BRIP1: variants seen among roughly 807,000 people sequenced by gnomAD.
The protein encoded by BRIP1 is Fanconi anemia group J protein.
Under a neutral mutation model 119.7 loss-of-function variants are expected in BRIP1, and 88 were observed. The observed-to-expected ratio is 0.74, with a 90% CI of 0.62 to 0.88. BRIP1 has a LOEUF of 0.88. Among genes scored for constraint, BRIP1 ranks in the 40% least tolerant of loss-of-function variants. BRIP1 has a pLI of 0.00. For missense variants in BRIP1, 1,259 were observed against 1,455.4 expected (o/e 0.87, Z 2.20); for synonymous variants, 443 against 496.5 (o/e 0.89, Z 1.43).
rs190887996 is a variant in BRIP1, at chr17:61,699,340, C to G, written c.2493-5828G>C. Among the ~76,000 whole-genome samples the G allele has an allele frequency of 3.0e-4, 46 of 152,110 alleles. No individual in the cohort carries two copies. Among genetic ancestry groups the G allele is most frequent in the Non-Finnish European group, 6.2e-4 (42 of 68,006 alleles). ...CACTTTGCTATTTGCTTTCTATATG[C>G]CTTACGTATTTTGTTCTTCTGTCTT... On this transcript the variant is annotated intron_variant, in intron 17 of 19. Transcript: ENST00000259008. This position sits in a 1 kb window ranked among gnomAD's most constrained non-coding sequence, Gnocchi z 4.8.
intron 18 of BRIP1, among the ~76,000 whole-genome samples, chr17:61,692,834 GA>G (rs2144178634): frequency 6.6e-6 from 1 of 152,240 alleles, no homozygotes; most frequent in South Asian, 2.1e-4. Flanking sequence ...ATTAAACTTA[GA>G]ACTATGATGA....
Position 61,772,282 on chromosome 17 carries a change from T to C in BRIP1, c.2097+4119A>G, listed in dbSNP as rs570672094. ...AGATGGACGAACCCTGAAAACATTATGGCTAATGAAATAAATCAGAAACAA... is the reference window on the plus strand; with the variant it reads ...AGATGGACGAACCCTGAAAACATTACGGCTAATGAAATAAATCAGAAACAA... On this transcript the variant is annotated intron_variant, in intron 14 of 19. Coordinates refer to ENST00000259008, the MANE Select transcript of BRIP1 (RefSeq NM_032043.3). 1.4e-4 allele frequency among the ~76,000 whole-genome samples: 21 copies of C among 149,660 alleles called. No homozygotes were observed. The South Asian group carries it at 3.8e-3, about 27-fold the overall frequency.
Position 61,683,693 on chromosome 17 carries a change from T to C in BRIP1, c.3353A>G (p.Asn1118Ser), listed in dbSNP as rs1060501773. 1.2e-6 allele frequency: 2 copies of C among 1,613,990 alleles called. No homozygotes were observed. The highest frequency in any genetic ancestry group is 1.1e-5 in the South Asian group (1 of 91,082). The change falls in exon 20 of 20, where the codon AAT (asparagine) becomes AGT (serine). Residue 1118 changes from asparagine (N) to serine (S), a missense_variant. Physicochemically the swap from Asn to Ser is conservative, Grantham distance 46. This residue lies in a region of BRIP1 where 753 missense variants were observed against 891.8 expected (regional missense o/e 0.84). Coordinates refer to ENST00000259008, the MANE Select transcript of BRIP1 (RefSeq NM_032043.3). This position sits in a 1 kb window ranked among gnomAD's most constrained non-coding sequence, Gnocchi z 4.7. Reference protein sequence around the residue: ...VSEEDKQSTSNRDFETEAEDE... With the variant: ...VSEEDKQSTSSRDFETEAEDE... ...TTCTGCTTCTGTTTCAAAATCTCTA[T>C]TTGAAGTGGACTGTTTATCTTCTTC... is the stretch of plus-strand genomic sequence containing the variant.
chr17:61,712,493 C>T (rs2061794045), intron 17 of BRIP1, among the ~76,000 whole-genome samples: 2 of 152,156 alleles, frequency 1.3e-5, no homozygotes, highest in South Asian at 4.1e-4. Flanking sequence ...GGATTACAGG[C>T]ATGAGCCACC....
rs1039501336 is a variant in BRIP1, at chr17:61,689,169, A to C, written c.2576-3004T>G. On this transcript the variant is annotated intron_variant, in intron 18 of 19. Transcript: ENST00000259008. The surrounding 1 kb of genome is among the most constrained non-coding windows in gnomAD (Gnocchi z 4.5). ...AGCGATTCTCCTGCCTCGGCCTCTC[A>C]AGTAGCTGGGACTACAGGCATGTAC... 6.6e-6 allele frequency among the ~76,000 whole-genome samples: 1 copy of C among 151,794 alleles called. No individual in the cohort carries two copies. The highest frequency in any genetic ancestry group is 1.5e-5 in the Non-Finnish European group (1 of 67,960).
chr17:61,833,162 G>A (rs904310959), intron 6 of BRIP1, among the ~76,000 whole-genome samples: 1 of 152,096 alleles, frequency 6.6e-6, no homozygotes, highest in African/African-American at 2.4e-5. Flanking sequence ...TATCACCACT[G>A]AATAGCTACA....
At chr17:61,715,612 ATTG>A (rs1205456402) in intron 17 of BRIP1, among the ~76,000 whole-genome samples, 1 of 152,132 alleles carries the variant, frequency 6.6e-6, no homozygotes, top group African/African-American at 2.4e-5. Flanking sequence ...TATCTATAAA[ATTG>A]TTATCTGAGC....
At chr17:61,800,954 T>C (rs1194237214) in intron 8 of BRIP1, among the ~76,000 whole-genome samples, 2 of 152,188 alleles carry the variant, frequency 1.3e-5, no homozygotes, top group Non-Finnish European at 2.9e-5. Flanking sequence ...AAAACATAGT[T>C]TTTTCAGAGA....
intron 17 of BRIP1, among the ~76,000 whole-genome samples, chr17:61,696,112 G>A (rs2061515470): frequency 6.6e-6 from 1 of 151,646 alleles, no homozygotes; most frequent in East Asian, 1.9e-4. Context: ...TTTAATAGAT[G>A]ACCTCATTAA....
intron 10 of BRIP1, 29 bp from the exon 11 acceptor site, chr17:61,784,453 A>C: frequency 6.3e-7 from 1 of 1,579,538 alleles, no homozygotes; most frequent in Non-Finnish European, 8.7e-7. Flanking sequence ...TTAAGTATAG[A>C]GGGGTTGGGA....
chr17:61,693,544 A>C lies in BRIP1; in HGVS notation c.2493-32T>G. ...AAAATAGGGAAAAAGTCAAATAATT[A>C]TAACATCGGAAATAAATCCAGTTTT... is the stretch of plus-strand genomic sequence containing the variant. On this transcript the variant is annotated intron_variant, in intron 17 of 19. Transcript: ENST00000259008. The surrounding 1 kb of genome is among the most constrained non-coding windows in gnomAD (Gnocchi z 4.2). 1 of 1,546,268 alleles carries C rather than the reference A, an allele frequency of 6.5e-7. No homozygotes were observed. Among genetic ancestry groups the C allele is most frequent in the Non-Finnish European group, 8.9e-7 (1 of 1,118,708 alleles).
rs2077211845 is a variant in BRIP1 at position 61,757,189 on chromosome 17, T to G, written c.2098-12598A>C. Among the ~76,000 whole-genome samples, 1 of 152,202 alleles carries G rather than the reference T, an allele frequency of 6.6e-6. No individual in the cohort carries two copies. Among genetic ancestry groups the G allele is most frequent in the African/African-American group, 2.4e-5 (1 of 41,458 alleles). ...GTGTTTTTTAAATAACTTTTTTAGT[T>G]ACAGTAAAAATGAATGTCCTTAATT... On this transcript the variant is annotated intron_variant, in intron 14 of 19. Coordinates refer to ENST00000259008, the MANE Select transcript of BRIP1 (RefSeq NM_032043.3). This position sits in a 1 kb window ranked among gnomAD's most constrained non-coding sequence, Gnocchi z 4.3.
rs2077420219 is a variant in BRIP1, at chr17:61,769,695, T to C, written c.2097+6706A>G. Among the ~76,000 whole-genome samples, 1 of 152,210 alleles carries C rather than the reference T, an allele frequency of 6.6e-6. No homozygotes were observed. The highest frequency in any genetic ancestry group is 2.4e-5 in the African/African-American group (1 of 41,456). On this transcript the variant is annotated intron_variant, in intron 14 of 19. Coordinates refer to ENST00000259008, the MANE Select transcript of BRIP1 (RefSeq NM_032043.3). The surrounding 1 kb of genome is among the most constrained non-coding windows in gnomAD (Gnocchi z 4.9). ...AAACAAACTAAAAATCAATTACTTT[T>C]CTGGGATCCATCTGAGAACTGAGGT... is the stretch of plus-strand genomic sequence containing the variant.
At chr17:61,818,633 G>A (rs2078273570) in intron 6 of BRIP1, among the ~76,000 whole-genome samples, 1 of 152,160 alleles carries the variant, frequency 6.6e-6, no homozygotes, top group Non-Finnish European at 1.5e-5. Context: ...AGAGAACAGA[G>A]AAGCTGCCTA....
In BRIP1 at chr17:61,852,708, G is replaced by T. The variant is rs2078839997; in HGVS notation, c.380-3452C>A. Among the ~76,000 whole-genome samples the T allele has an allele frequency of 6.6e-6, 1 of 151,926 alleles. No homozygotes were observed. Among genetic ancestry groups the T allele is most frequent in the Non-Finnish European group, 1.5e-5 (1 of 67,962 alleles). The stretch of plus-strand genomic sequence containing the variant: ...GAAAAATGGCAAACAACTTGATTAG[G>T]CAATTCACTAAAGAGGGTATCCAAA... On this transcript the variant is annotated intron_variant, in intron 4 of 19. Transcript: ENST00000259008. This position sits in a 1 kb window ranked among gnomAD's most constrained non-coding sequence, Gnocchi z 4.9.
At position 61,693,342 on chromosome 17, in the gene BRIP1, T is replaced by C. The variant is rs2061475137; in HGVS notation, c.2575+88A>G. On this transcript the variant is annotated intron_variant, in intron 18 of 19. Transcript: ENST00000259008. The surrounding 1 kb of genome is among the most constrained non-coding windows in gnomAD (Gnocchi z 4.2). ...ATATTGTACTGTGCACTTAATAAGA[T>C]AGTAGAGCTCATGTTATGTGTTTTT... The C allele has an allele frequency of 8.8e-6, 10 of 1,141,644 alleles. No individual in the cohort carries two copies. Among genetic ancestry groups the C allele is most frequent in the South Asian group, 1.2e-5 (1 of 80,872 alleles). The allele number at this position is 1,141,644 out of a possible 1,614,324, so 70.7% of individuals were successfully genotyped here.
chr17:61,806,809 TG>T lies in BRIP1; in HGVS notation c.918+1657del, dbSNP rs1437686887. 1.3e-5 allele frequency among the ~76,000 whole-genome samples: 2 copies of T among 152,192 alleles called. No individual in the cohort carries two copies. Among genetic ancestry groups the T allele is most frequent in the Non-Finnish European group, 2.9e-5 (2 of 68,024 alleles). ...GCCTCCTGGGTTCAAGCGATTCTCA[TG>T]CCTCAGCCTCCCAAGTAGCTGGGAT... On this transcript the variant is annotated intron_variant, in intron 7 of 19. Coordinates refer to ENST00000259008, the MANE Select transcript of BRIP1 (RefSeq NM_032043.3). This position sits in a 1 kb window ranked among gnomAD's most constrained non-coding sequence, Gnocchi z 4.9.
chr17:61,846,248 GAGAGAGAGAGAGAA>G lies in BRIP1; in HGVS notation c.627+839_627+852del, dbSNP rs1318581401. Among the ~76,000 whole-genome samples the G allele has an allele frequency of 5.8e-4, 86 of 148,596 alleles. No individual in the cohort carries two copies. Among genetic ancestry groups the G allele is most frequent in the African/African-American group, 7.9e-4 (31 of 39,042 alleles). ...ATATAGAGAGAGAGAGAGAGAAAAAGAGAGAGAGAGAGAAAGAGAGAGAGAGAGAGGTTGGAGCC... is the reference window on the plus strand; with the variant it reads ...ATATAGAGAGAGAGAGAGAGAAAAAGAGAGAGAGAGAGAGAGGTTGGAGCC... On this transcript the variant is annotated intron_variant, in intron 6 of 19. Coordinates refer to ENST00000259008, the MANE Select transcript of BRIP1 (RefSeq NM_032043.3). The surrounding 1 kb of genome is among the most constrained non-coding windows in gnomAD (Gnocchi z 4.3).
In BRIP1 at chr17:61,857,144, T is replaced by C. The variant is rs781121675; in HGVS notation, c.293A>G (p.Asn98Ser). The C allele has an allele frequency of 3.7e-5, 59 of 1,614,046 alleles. No homozygotes were observed. The highest frequency in any genetic ancestry group is 4.3e-5 in the Non-Finnish European group (51 of 1,180,014). Residue 98 changes from asparagine (N) to serine (S), a missense_variant, in exon 4 of 20, where the codon AAT becomes AGT. This residue lies in a region of BRIP1 where 501 missense variants were observed against 544.0 expected (regional missense o/e 0.92). Transcript: ENST00000259008. This position sits in a 1 kb window ranked among gnomAD's most constrained non-coding sequence, Gnocchi z 5.1. ...ACGTGAAGTTCCTTGGTTCATGTCATTGTTTGTAAAATCCTTTGAATGGCA... is the reference window on the plus strand; with the variant it reads ...ACGTGAAGTTCCTTGGTTCATGTCACTGTTTGTAAAATCCTTTGAATGGCA... ...CACHSKDFTN[N>S]DMNQGTSRHF...
Sources: allele counts gnomAD v4.1 joint callset (sites outside exome capture counted in the v4.1 genomes callset), GRCh38; gene constraint gnomAD v4.1.1; regional missense constraint gnomAD v4.1.1; non-coding constraint Gnocchi (gnomAD v3.1); transcripts MANE v1.5; gene names NCBI Gene and HGNC (gene_info 2026-07-23, HGNC 2026-07-21).